The following ZNF597 variants were observed in gnomAD, a reference collection of about 807,000 sequenced individuals.
ZNF597 encodes the protein zinc finger protein 597.
In ZNF597, 5 loss-of-function variants were observed where a neutral mutation model predicts 7.3. The ratio of observed to expected loss-of-function variants is 0.68; its 90% CI spans 0.36 to 1.44. The LOEUF is 1.44. ZNF597 is among the 40% of genes most tolerant of loss of function. The pLI, the probability that ZNF597 is intolerant of heterozygous loss-of-function variation, is 0.04. For synonymous variants in ZNF597, 209 were observed against 185.4 expected (o/e 1.13, Z -1.04); for missense variants, 585 against 517.9 (o/e 1.13, Z -1.26).
At chr16:3,441,787 CA>C (rs937820880) in intron 2 of ZNF597, among the ~76,000 whole-genome samples, 8 of 150,398 alleles carry the variant, frequency 5.3e-5, no homozygotes, top group African/African-American at 1.5e-4. Context: ...AAAACAACAA[CA>C]AAAAAAACTC....
In ZNF597 at chr16:3,433,696, A is replaced by G. The variant is rs2034274535; in HGVS notation, c.*2728T>C. 6.6e-6 allele frequency: 1 copy of G among 152,196 alleles called. No individual in the cohort carries two copies. The highest frequency in any genetic ancestry group is 6.5e-5 in the Admixed American group (1 of 15,276). The allele number at this position is 152,196 out of a possible 1,614,324, so 9.4% of individuals were successfully genotyped here. On this transcript the variant is annotated 3_prime_UTR_variant, in exon 4 of 4. Coordinates refer to ENST00000301744, the MANE Select transcript of ZNF597 (RefSeq NM_152457.3). ...AAAAGCCTGAAGCTCACCAGCAGAT[A>G]TATCTTTTCCTTCAATTCCCTGGGG... is the stretch of plus-strand genomic sequence containing the variant.
intron 2 of ZNF597, among the ~76,000 whole-genome samples, chr16:3,442,628 T>C (rs989739459): frequency 7.4e-5 from 11 of 149,276 alleles, no homozygotes; most frequent in African/African-American, 2.5e-4. Flanking sequence ...TGAGCCGAGA[T>C]CGCGCCACTG....
At chr16:3,440,970 G>A in intron 2 of ZNF597, 37 bp from the exon 3 acceptor site, 1 of 1,603,708 alleles carries the variant, frequency 6.2e-7, no homozygotes, top group Non-Finnish European at 8.5e-7. Context: ...CAAGAGGGTG[G>A]AGGGTCAGCC....
At position 3,441,457 on chromosome 16, in the gene ZNF597, C is replaced by T. The variant is rs190362230; in HGVS notation, c.34-524G>A. On this transcript the variant is annotated intron_variant, in intron 2 of 3. Coordinates refer to ENST00000301744, the MANE Select transcript of ZNF597 (RefSeq NM_152457.3). ...ACCCCAGCACTTTGGAAGGTGGAGG[C>T]GAGTGGATCACCTGAGGTCAGGAGT... 2.2e-3 allele frequency among the ~76,000 whole-genome samples: 329 copies of T among 152,172 alleles called. 2 individuals carry two copies. The highest frequency in any genetic ancestry group is 7.5e-3 in the African/African-American group (312 of 41,524).
chr16:3,441,064 G>A lies in ZNF597; in HGVS notation c.34-131C>T, dbSNP rs961943400. ...GGCTCGGTGTAAAAGGTTCTTGAGC[G>A]CAGAAGTAGGGCAAATGGGTTCTAA... is the stretch of plus-strand genomic sequence containing the variant. On this transcript the variant is annotated intron_variant, in intron 2 of 3. Coordinates refer to ENST00000301744, the MANE Select transcript of ZNF597 (RefSeq NM_152457.3). 3.1e-5 allele frequency: 40 copies of A among 1,307,434 alleles called. No individual in the cohort carries two copies. The East Asian group carries it at 5.4e-4, about 18-fold the overall frequency. The allele number at this position is 1,307,434 out of a possible 1,614,324, so 81.0% of individuals were successfully genotyped here. A position where few individuals can be genotyped will look rare whatever the true frequency, so the allele number is the denominator to read the frequency against.
chr16:3,438,494 C>T (rs1368335934), intron 3 of ZNF597, among the ~76,000 whole-genome samples: 3 of 151,588 alleles, frequency 2.0e-5, no homozygotes, highest in African/African-American at 4.8e-5. Flanking sequence ...ACCCAGGAGG[C>T]GGAGCTTGCA....
At chr16:3,441,654 C>A (rs79890130) in intron 2 of ZNF597, among the ~76,000 whole-genome samples, 5 of 151,956 alleles carry the variant, frequency 3.3e-5, no homozygotes, top group Non-Finnish European at 7.4e-5. Context: ...CCATTGCACT[C>A]CAGCCTGGGC....
At chr16:3,438,375 C>T (rs1025884503) in intron 3 of ZNF597, among the ~76,000 whole-genome samples, 8 of 151,844 alleles carry the variant, frequency 5.3e-5, no homozygotes, top group East Asian at 1.9e-4. Context: ...CTGGCTAACA[C>T]GGTGAAACCC....
rs552157070 is a variant in ZNF597 at position 3,433,318 on chromosome 16, C to T, written c.*3106G>A. The T allele has an allele frequency of 2.6e-5, 4 of 152,242 alleles. No homozygotes were observed. Among genetic ancestry groups the T allele is most frequent in the East Asian group, 1.9e-4 (1 of 5,190 alleles). 9.4% of individuals were successfully genotyped at this position (152,242 alleles called of 1,614,324 possible). A position where few individuals can be genotyped will look rare whatever the true frequency, so the allele number is the denominator to read the frequency against. ...GGAAAAATGCTGTTTTCATCAATGACGACTGTTTAAAAGACTGTTTAACTA... is the reference window on the plus strand; with the variant it reads ...GGAAAAATGCTGTTTTCATCAATGATGACTGTTTAAAAGACTGTTTAACTA... On this transcript the variant is annotated 3_prime_UTR_variant, in exon 4 of 4. Coordinates refer to ENST00000301744, the MANE Select transcript of ZNF597 (RefSeq NM_152457.3).
intron 3 of ZNF597, among the ~76,000 whole-genome samples, chr16:3,440,064 T>C (rs1384963955): frequency 6.6e-6 from 1 of 152,190 alleles, no homozygotes; most frequent in East Asian, 1.9e-4. Flanking sequence ...TTAGAATAAC[T>C]ACTTAGAATA....
At chr16:3,438,906 GA>G (rs2034334413) in intron 3 of ZNF597, among the ~76,000 whole-genome samples, 1 of 152,202 alleles carries the variant, frequency 6.6e-6, no homozygotes, top group African/African-American at 2.4e-5. Flanking sequence ...CCAACTCACT[GA>G]CTAGAAAGGG....
chr16:3,437,624 A>G (rs912819953), intron 3 of ZNF597, 86 bp from the exon 4 acceptor site: 8 of 1,471,382 alleles, frequency 5.4e-6, no homozygotes, highest in African/African-American at 2.8e-5. Flanking sequence ...AGTTACAAAC[A>G]GGACCAGGAA....
chr16:3,437,342 A>C lies in ZNF597; in HGVS notation c.357T>G (p.Leu119=). Residue 119 remains leucine (L), a synonymous_variant, in exon 4 of 4, where the codon CTT becomes CTG. Transcript: ENST00000301744. ...TPTYKRRVIS[L]LVTIENHTPL... ...GGGTGTGGTTTTCAATGGTAACTAA[A>C]AGGCTGATGACCCTTCTCTTGTAAG... The C allele has an allele frequency of 6.2e-7, 1 of 1,614,090 alleles. No individual in the cohort carries two copies. The highest frequency in any genetic ancestry group is 8.5e-7 in the Non-Finnish European group (1 of 1,180,008).
rs1567350370 is a variant in ZNF597 at position 3,433,684 on chromosome 16, T to A, written c.*2740A>T. 6.6e-6 allele frequency: 1 copy of A among 152,214 alleles called. No homozygotes were observed. The highest frequency in any genetic ancestry group is 1.5e-5 in the Non-Finnish European group (1 of 68,042). 9.4% of individuals were successfully genotyped at this position (152,214 alleles called of 1,614,324 possible). A position where few individuals can be genotyped will look rare whatever the true frequency, so the allele number is the denominator to read the frequency against. ...GCCATCATCATAAAAAGCCTGAAGC[T>A]CACCAGCAGATATATCTTTTCCTTC... is the stretch of plus-strand genomic sequence containing the variant. On this transcript the variant is annotated 3_prime_UTR_variant, in exon 4 of 4. Transcript: ENST00000301744.
intron 3 of ZNF597, among the ~76,000 whole-genome samples, chr16:3,440,286 C>G (rs1299425060): frequency 1.3e-5 from 2 of 152,226 alleles, no homozygotes; most frequent in African/African-American, 4.8e-5. Context: ...TTACCAAATA[C>G]TGCCATCTCT....
In ZNF597 at chr16:3,436,763, G is replaced by T; in HGVS notation, c.936C>A (p.Ala312=). Residue 312 remains alanine, a synonymous_variant, in exon 4 of 4, where the codon GCC becomes GCA. Coordinates refer to ENST00000301744, the MANE Select transcript of ZNF597 (RefSeq NM_152457.3). ...MKSFRQSLYP[A]LSEKSHDEDS... is the part of the protein sequence containing the mutation. ...CCTCGTCGTGGCTCTTCTCGGAAAG[G>T]GCAGGATATAAGGACTGCCTGAAGC... 1 of 1,613,696 alleles carries T rather than the reference G, an allele frequency of 6.2e-7. No individual in the cohort carries two copies. The highest frequency in any genetic ancestry group is 8.5e-7 in the Non-Finnish European group (1 of 1,180,030).
intron 2 of ZNF597, among the ~76,000 whole-genome samples, chr16:3,441,959 G>A (rs1459715380): frequency 4.7e-5 from 7 of 147,730 alleles, no homozygotes; most frequent in East Asian, 2.0e-4. Flanking sequence ...CAGCCTAGGC[G>A]TCGCAGCGAG....
intron 3 of ZNF597, among the ~76,000 whole-genome samples, chr16:3,439,428 G>C (rs1297713325): frequency 6.6e-6 from 1 of 151,930 alleles, no homozygotes; most frequent in Non-Finnish European, 1.5e-5. Context: ...TAATCTACAA[G>C]TGCATGAAGA....
chr16:3,443,096 G>A, intron 2 of ZNF597, 25 bp downstream of exon 2: 1 of 1,614,118 alleles, frequency 6.2e-7, no homozygotes, highest in South Asian at 1.1e-5. Context: ...CAATAAACTT[G>A]GACGAAAAAG....
Sources: allele counts gnomAD v4.1 joint callset (sites outside exome capture counted in the v4.1 genomes callset), GRCh38; gene constraint gnomAD v4.1.1; transcripts MANE v1.5; gene names NCBI Gene and HGNC (gene_info 2026-07-23, HGNC 2026-07-21).